The following CSNK1G1 variants were observed in gnomAD, a reference collection of about 807,000 sequenced individuals.
CSNK1G1 encodes casein kinase 1 gamma 1.
A neutral mutation model predicts 59.6 loss-of-function variants in CSNK1G1; 22 were observed. That is an observed-to-expected ratio of 0.37 (90% CI 0.26 to 0.53). The LOEUF is 0.53. Among genes scored for constraint, CSNK1G1 ranks in the 20% least tolerant of loss-of-function variants. The pLI, the probability that CSNK1G1 is intolerant of heterozygous loss-of-function variation, is 0.89. For synonymous variants in CSNK1G1, 179 were observed against 177.1 expected (o/e 1.01, Z -0.08); for missense variants, 384 against 519.5 (o/e 0.74, Z 2.54).
chr15:64,177,309 G>C (rs527478850), intron 11 of CSNK1G1, among the ~76,000 whole-genome samples: 35 of 152,264 alleles, frequency 2.3e-4, no homozygotes, highest in African/African-American at 8.2e-4. Flanking sequence ...TGCGTGCAAT[G>C]AGGGGCTGTT....
chr15:64,192,115 T>G (rs370167652), intron 10 of CSNK1G1, among the ~76,000 whole-genome samples: 1 of 152,222 alleles, frequency 6.6e-6, no homozygotes, highest in South Asian at 2.1e-4. Context: ...AGTAGCTAGT[T>G]AGATTAAGCA....
chr15:64,252,847 A>G (rs1214097503), intron 3 of CSNK1G1, among the ~76,000 whole-genome samples: 3 of 152,190 alleles, frequency 2.0e-5, no homozygotes, highest in East Asian at 1.9e-4. Flanking sequence ...CTAAACTGAC[A>G]GTGTACTGGG....
rs550652542 is a variant in CSNK1G1, at chr15:64,345,957, AT to A, written c.-225+10030del. ...AGGCATGCGCCACCACACCCAGCTA[AT>A]TTTTGTATTTTTAGTAGAAACGGGG... On this transcript the variant is annotated intron_variant, in intron 1 of 11. Transcript: ENST00000303052. Among the ~76,000 whole-genome samples, 234 of 152,056 alleles carry A rather than the reference AT, an allele frequency of 1.5e-3. 1 individual carries two copies. Among genetic ancestry groups the A allele is most frequent in the African/African-American group, 5.5e-3 (229 of 41,492 alleles).
intron 1 of CSNK1G1, among the ~76,000 whole-genome samples, chr15:64,307,459 G>T (rs1455198796): frequency 6.6e-6 from 1 of 152,052 alleles, no homozygotes; most frequent in Non-Finnish European, 1.5e-5. Context: ...CATGCCTGTA[G>T]TCCCAGCACT....
Position 64,343,983 on chromosome 15 carries a change from G to C in CSNK1G1, c.-225+12005C>G, listed in dbSNP as rs547961872. 4.6e-4 allele frequency among the ~76,000 whole-genome samples: 70 copies of C among 151,788 alleles called. No homozygotes were observed. The Middle Eastern group carries it at 0.027, about 59-fold the overall frequency. On this transcript the variant is annotated intron_variant, in intron 1 of 11. Transcript: ENST00000303052. ...ATTACATTCCTTTCTTTTTAAACAT[G>C]GTTCTGCAACAAACTCATTTTGTTA...
chr15:64,349,121 G>A (rs1243463305), intron 1 of CSNK1G1, among the ~76,000 whole-genome samples: 2 of 142,788 alleles, frequency 1.4e-5, no homozygotes, highest in Non-Finnish European at 3.0e-5. Flanking sequence ...TGGGCAACGA[G>A]AGCGAAACTC....
intron 1 of CSNK1G1, among the ~76,000 whole-genome samples, chr15:64,314,389 G>T (rs1194732893): frequency 6.6e-6 from 1 of 151,672 alleles, no homozygotes; most frequent in African/African-American, 2.4e-5. Flanking sequence ...ATAAATGTAA[G>T]GGGTACAAAG....
chr15:64,177,402 C>A (rs773732361), intron 11 of CSNK1G1, among the ~76,000 whole-genome samples: 4 of 152,146 alleles, frequency 2.6e-5, no homozygotes, highest in Non-Finnish European at 4.4e-5. Flanking sequence ...CCTTTCCTTG[C>A]CCCCACACGC....
chr15:64,182,577 A>G (rs978162312), intron 10 of CSNK1G1, among the ~76,000 whole-genome samples: 1 of 152,190 alleles, frequency 6.6e-6, no homozygotes, highest in African/African-American at 2.4e-5. Flanking sequence ...TGTGACATGA[A>G]CTATATATTA....
chr15:64,244,754 G>A (rs1021374366), intron 4 of CSNK1G1, among the ~76,000 whole-genome samples: 5 of 152,032 alleles, frequency 3.3e-5, no homozygotes, highest in African/African-American at 1.2e-4. Context: ...GGAGGCTGAG[G>A]CTGTAGTGAG....
chr15:64,282,786 A>T (rs1409527196), intron 2 of CSNK1G1, among the ~76,000 whole-genome samples: 1 of 152,140 alleles, frequency 6.6e-6, no homozygotes, highest in Admixed American at 6.6e-5. Flanking sequence ...CAGTGTATAA[A>T]GACTCAGATT....
At position 64,176,648 on chromosome 15, in the gene CSNK1G1, A is replaced by G. The variant is rs1349560785; in HGVS notation, c.1214+3700T>C. On this transcript the variant is annotated intron_variant, in intron 11 of 11. Coordinates refer to ENST00000303052, the MANE Select transcript of CSNK1G1 (RefSeq NM_022048.5). The surrounding 1 kb of genome is among the most constrained non-coding windows in gnomAD (Gnocchi z 5.2). ...GCCTGTAAGAACTCAATCAAGCACC[A>G]GGGGTGAACCATTTTGGTTCCCATA... 6.6e-6 allele frequency among the ~76,000 whole-genome samples: 1 copy of G among 152,216 alleles called. No homozygotes were observed. Among genetic ancestry groups the G allele is most frequent in the African/African-American group, 2.4e-5 (1 of 41,450 alleles).
intron 1 of CSNK1G1, among the ~76,000 whole-genome samples, chr15:64,351,199 T>C (rs544467397): frequency 6.6e-6 from 1 of 152,286 alleles, no homozygotes; most frequent in East Asian, 1.9e-4. Context: ...AGAATACTCA[T>C]TTGGTTTGAG....
chr15:64,347,542 G>A (rs1466541862), intron 1 of CSNK1G1, among the ~76,000 whole-genome samples: 3 of 144,352 alleles, frequency 2.1e-5, no homozygotes, highest in African/African-American at 7.8e-5. Flanking sequence ...CTTGAGCCCA[G>A]GAATTCAAGG....
At chr15:64,220,467 C>T (rs1367346072) in intron 4 of CSNK1G1, among the ~76,000 whole-genome samples, 2 of 151,490 alleles carry the variant, frequency 1.3e-5, no homozygotes, top group Non-Finnish European at 2.9e-5. Flanking sequence ...TTAGGAAAGA[C>T]CAATGAGATG....
At chr15:64,259,676 T>C (rs1334583587) in intron 2 of CSNK1G1, among the ~76,000 whole-genome samples, 1 of 152,186 alleles carries the variant, frequency 6.6e-6, no homozygotes, top group Non-Finnish European at 1.5e-5. Flanking sequence ...TATTTTGTCA[T>C]GGTATTTCGT....
chr15:64,259,136 C>T (rs1892552103), intron 3 of CSNK1G1, 65 bp downstream of exon 3: 2 of 1,366,894 alleles, frequency 1.5e-6, no homozygotes, highest in Non-Finnish European at 2.0e-6. Context: ...AAAACTATTT[C>T]CTATAAAAAG....
At chr15:64,279,511 T>C (rs1894003710) in intron 2 of CSNK1G1, among the ~76,000 whole-genome samples, 1 of 152,192 alleles carries the variant, frequency 6.6e-6, no homozygotes, top group Admixed American at 6.5e-5. Context: ...TATATCACAA[T>C]TTATTTATCT....
chr15:64,231,470 T>C (rs1202622426), intron 4 of CSNK1G1, among the ~76,000 whole-genome samples: 1 of 149,984 alleles, frequency 6.7e-6, no homozygotes, highest in Non-Finnish European at 1.5e-5. Flanking sequence ...TACATATATA[T>C]ATTAGGTGCT....
Sources: gnomAD v4.1 joint callset for allele counts (sites outside exome capture counted in the v4.1 genomes callset) on GRCh38, gnomAD v4.1.1 for gene constraint, Gnocchi (gnomAD v3.1) non-coding constraint, MANE v1.5 for transcripts, NCBI Gene and HGNC (gene_info 2026-07-23, HGNC 2026-07-21) for gene names.